The following MYT1L variants were observed in gnomAD, a reference collection of about 807,000 sequenced individuals.
MYT1L encodes myelin transcription factor 1 like.
Under a neutral mutation model 126.7 loss-of-function variants are expected in MYT1L, and 12 were observed. The ratio of observed to expected loss-of-function variants is 0.09; its 90% CI spans 0.06 to 0.15. The LOEUF is 0.15. MYT1L is among the 10% of genes least tolerant of loss of function. The probability of loss-of-function intolerance (pLI) is 1.00; values close to 1 mark genes in which losing one functional copy is unlikely to be tolerated. For missense variants in MYT1L, 979 were observed against 1,585.2 expected (o/e 0.62, Z 6.49); for synonymous variants, 541 against 604.2 (o/e 0.90, Z 1.53).
chr2:2,114,235 T>C (rs1252968666), intron 3 of MYT1L, among the ~76,000 whole-genome samples: 1 of 152,200 alleles, frequency 6.6e-6, no homozygotes, highest in Non-Finnish European at 1.5e-5. Flanking sequence ...AGACTAGAAA[T>C]AGAAAACCAG....
chr2:1,825,296 G>C (rs1030976320), intron 21 of MYT1L: 3 of 152,296 alleles, frequency 2.0e-5, no homozygotes, highest in African/African-American at 4.8e-5. Flanking sequence ...ATGAAGATGG[G>C]GGGGAGGCAC....
chr2:2,086,803 C>A (rs2150355583), intron 3 of MYT1L, among the ~76,000 whole-genome samples: 1 of 152,268 alleles, frequency 6.6e-6, no homozygotes, highest in Admixed American at 6.5e-5. Flanking sequence ...TGTTAGACAC[C>A]TTTGGCTTCT....
At chr2:1,829,708 CCCTCCCATACACCTGTGAAT>C (rs1320915631) in intron 21 of MYT1L, among the ~76,000 whole-genome samples, 13 of 120,628 alleles carry the variant, frequency 1.1e-4, no homozygotes, top group Admixed American at 2.3e-4. Context: ...TGTGAATTGA[CCCTCCCATACACCTGTGAAT>C]TGACCTTCCC....
chr2:1,944,381 A>T (rs141845348), intron 8 of MYT1L, among the ~76,000 whole-genome samples: 1 of 152,190 alleles, frequency 6.6e-6, no homozygotes, highest in Non-Finnish European at 1.5e-5. Context: ...TAGGTGGGTT[A>T]GGGGAGACAT....
chr2:1,806,478 T>TC lies in MYT1L; in HGVS notation c.3172+2597dup, dbSNP rs1476939737. ...GGACGGTGGCCCTGGAATGCCCGTG[T>TC]CCCGGCTGCTTTCTGGTGGGATGAC... On this transcript the variant is annotated intron_variant, in intron 22 of 24. Coordinates refer to ENST00000647738, the MANE Select transcript of MYT1L (RefSeq NM_001303052.2). This position sits in a 1 kb window ranked among gnomAD's most constrained non-coding sequence, Gnocchi z 4.9. Among the ~76,000 whole-genome samples the TC allele has an allele frequency of 1.3e-5, 2 of 152,208 alleles. No individual in the cohort carries two copies. The highest frequency in any genetic ancestry group is 1.5e-5 in the Non-Finnish European group (1 of 68,036).
At chr2:2,220,305 G>A (rs569450635) in intron 2 of MYT1L, among the ~76,000 whole-genome samples, 71 of 152,210 alleles carry the variant, frequency 4.7e-4, no homozygotes, top group African/African-American at 1.6e-3. Flanking sequence ...TCAGAAAGGC[G>A]GGACAACTCC....
At chr2:1,883,094 C>T (rs946566270) in intron 18 of MYT1L, among the ~76,000 whole-genome samples, 4 of 152,178 alleles carry the variant, frequency 2.6e-5, no homozygotes, top group Non-Finnish European at 4.4e-5. Flanking sequence ...GCTGAGACAT[C>T]AGGAAAACTA....
chr2:2,153,803 G>A (rs752361202), intron 3 of MYT1L, among the ~76,000 whole-genome samples: 12 of 152,076 alleles, frequency 7.9e-5, no homozygotes, highest in South Asian at 2.1e-4. Context: ...TGGTGGGCTC[G>A]CCAGCAGCTG....
chr2:1,992,891 C>A (rs13398110), intron 5 of MYT1L, among the ~76,000 whole-genome samples: 2 of 152,100 alleles, frequency 1.3e-5, no homozygotes, highest in African/African-American at 2.4e-5. Context: ...GACCAGTGTT[C>A]TGATATTTTG....
chr2:2,276,177 C>G (rs899857125), intron 2 of MYT1L, among the ~76,000 whole-genome samples: 1 of 152,068 alleles, frequency 6.6e-6, no homozygotes, highest in Admixed American at 6.5e-5. Context: ...AAGGAGTGAA[C>G]CTTTTTGCTA....
intron 3 of MYT1L, among the ~76,000 whole-genome samples, chr2:2,080,783 A>C (rs1190354188): frequency 6.6e-6 from 1 of 152,220 alleles, no homozygotes; most frequent in Admixed American, 6.5e-5. Context: ...ACTTTGACAA[A>C]AATTTTGGCC....
chr2:2,222,038 C>A (rs1320069774), intron 2 of MYT1L, among the ~76,000 whole-genome samples: 2 of 152,216 alleles, frequency 1.3e-5, no homozygotes, highest in African/African-American at 2.4e-5. Flanking sequence ...TCTTCTCTCA[C>A]TTGATGGCAG....
intron 2 of MYT1L, among the ~76,000 whole-genome samples, chr2:2,222,462 C>T (rs535068083): frequency 2.6e-5 from 4 of 151,726 alleles, no homozygotes; most frequent in African/African-American, 9.7e-5. Context: ...TGCCACTGCA[C>T]TCCAGCATGG....
chr2:1,969,379 T>C (rs2059633842), intron 8 of MYT1L, among the ~76,000 whole-genome samples: 1 of 152,176 alleles, frequency 6.6e-6, no homozygotes, highest in South Asian at 2.1e-4. Context: ...CTGTTCCCAT[T>C]ATCTAAAAAT....
chr2:1,914,762 C>T (rs1286530968), intron 11 of MYT1L, among the ~76,000 whole-genome samples: 1 of 152,226 alleles, frequency 6.6e-6, no homozygotes, highest in Non-Finnish European at 1.5e-5. Flanking sequence ...TTACTCCTCA[C>T]GTGTGCTGCC....
chr2:1,929,107 C>T lies in MYT1L; in HGVS notation c.506-5844G>A, dbSNP rs960490988. ...GAGAAGCGTGAGTTCATTTCCCTCT[C>T]GCTTCAAAGGCCCCAGGCGCATGCT... On this transcript the variant is annotated intron_variant, in intron 9 of 24. Transcript: ENST00000647738. The surrounding 1 kb of genome is among the most constrained non-coding windows in gnomAD (Gnocchi z 4.7). 3.3e-5 allele frequency among the ~76,000 whole-genome samples: 5 copies of T among 152,166 alleles called. No individual in the cohort carries two copies. The highest frequency in any genetic ancestry group is 4.8e-5 in the African/African-American group (2 of 41,426).
At chr2:1,891,855 T>C (rs1157613242) in intron 15 of MYT1L, among the ~76,000 whole-genome samples, 182 bp downstream of exon 15, 2 of 152,168 alleles carry the variant, frequency 1.3e-5, no homozygotes, top group Non-Finnish European at 2.9e-5. Flanking sequence ...CTTTGGACAA[T>C]GGTGTGTTCA....
intron 3 of MYT1L, among the ~76,000 whole-genome samples, chr2:2,162,938 G>T (rs781182619): frequency 6.6e-6 from 1 of 152,080 alleles, no homozygotes; most frequent in Admixed American, 6.6e-5. Flanking sequence ...CTGTAACCCC[G>T]TGACCTTGGA....
intron 3 of MYT1L, among the ~76,000 whole-genome samples, chr2:2,135,700 T>C (rs1322053118): frequency 2.0e-5 from 3 of 152,178 alleles, no homozygotes; most frequent in African/African-American, 4.8e-5. Context: ...TCTTGTACTC[T>C]ATGGAAAAAG....
Sources: allele counts gnomAD v4.1 joint callset (sites outside exome capture counted in the v4.1 genomes callset), GRCh38; gene constraint gnomAD v4.1.1; non-coding constraint Gnocchi (gnomAD v3.1); transcripts MANE v1.5; gene names NCBI Gene and HGNC (gene_info 2026-07-23, HGNC 2026-07-21).